CDK7: variants seen among roughly 807,000 people sequenced by gnomAD.
The protein encoded by CDK7 is cyclin dependent kinase 7.
CDK7 carries 25 observed loss-of-function variants against 49.1 expected under a neutral mutation model. That is an observed-to-expected ratio of 0.51 (90% CI 0.37 to 0.71). The LOEUF is 0.71. Ranked by LOEUF, CDK7 falls within the 30% of genes least tolerant of loss-of-function variation. The probability of loss-of-function intolerance (pLI) is 0.00; values close to 1 mark genes in which losing one functional copy is unlikely to be tolerated. For synonymous variants in CDK7, 107 were observed against 140.0 expected, an observed-to-expected ratio of 0.76 and a Z score of 1.67; for missense variants, 316 against 411.7, an observed-to-expected ratio of 0.77 and a Z score of 2.01.
chr5:69,241,705 T>G (rs972394002), intron 2 of CDK7, among the ~76,000 whole-genome samples: 1 of 152,208 alleles, frequency 6.6e-6, no homozygotes, highest in Non-Finnish European at 1.5e-5. Flanking sequence ...TTTGTATGTC[T>G]TCTTTTGAGA....
intron 2 of CDK7, among the ~76,000 whole-genome samples, chr5:69,250,039 G>A (rs974637758): frequency 6.6e-6 from 1 of 152,164 alleles, no homozygotes; most frequent in Admixed American, 6.5e-5. Flanking sequence ...CTGACTAAAA[G>A]GTCACATATC....
chr5:69,262,767 A>G (rs749497058), intron 8 of CDK7, among the ~76,000 whole-genome samples: 2 of 152,188 alleles, frequency 1.3e-5, no homozygotes, highest in South Asian at 2.1e-4. Context: ...TAAAAAGCCA[A>G]ATGTAGCATT....
intron 2 of CDK7, among the ~76,000 whole-genome samples, chr5:69,242,747 A>T (rs897302524): frequency 1.3e-5 from 2 of 152,170 alleles, no homozygotes; most frequent in African/African-American, 4.8e-5. Context: ...AGCTTGTGAG[A>T]TTAAAAGCAA....
chr5:69,274,614 GTATT>G (rs968237557), intron 10 of CDK7, among the ~76,000 whole-genome samples: 1 of 152,078 alleles, frequency 6.6e-6, no homozygotes, highest in South Asian at 2.1e-4. Context: ...CCTAAAGGAA[GTATT>G]TATTTATTTA....
At chr5:69,269,574 A>T (rs1751390253) in intron 9 of CDK7, among the ~76,000 whole-genome samples, 1 of 152,082 alleles carries the variant, frequency 6.6e-6, no homozygotes, top group South Asian at 2.1e-4. Context: ...GGAGTTTATA[A>T]GCACACTACG....
At chr5:69,259,406 T>G (rs1190552599) in intron 6 of CDK7, among the ~76,000 whole-genome samples, 1 of 152,184 alleles carries the variant, frequency 6.6e-6, no homozygotes, top group Non-Finnish European at 1.5e-5. Flanking sequence ...AGGTTATTGC[T>G]GATGTCTTTT....
At position 69,252,467 on chromosome 5, in the gene CDK7, A is replaced by G; in HGVS notation, c.160+16A>G. ...GCTAAAGATGGTAAGTATTTCATGT[A>G]ATCTGACAGATAGGAAAAGTTTTCT... On this transcript the variant is annotated intron_variant, in intron 3 of 11. Coordinates refer to ENST00000256443, the MANE Select transcript of CDK7 (RefSeq NM_001799.4). The G allele has an allele frequency of 8.0e-7, 1 of 1,248,546 alleles. No individual in the cohort carries two copies. The highest frequency in any genetic ancestry group is 2.5e-5 in the East Asian group (1 of 39,840). 77.3% of individuals were successfully genotyped at this position (1,248,546 alleles called of 1,614,324 possible).
chr5:69,259,948 T>G lies in CDK7; in HGVS notation c.527+12T>G. 3 of 1,489,424 alleles carry G rather than the reference T, an allele frequency of 2.0e-6. No individual in the cohort carries two copies. Among genetic ancestry groups the G allele is most frequent in the Non-Finnish European group, 2.8e-6 (3 of 1,067,116 alleles). The allele number at this position is 1,489,424 out of a possible 1,614,324, so 92.3% of individuals were successfully genotyped here. On this transcript the variant is annotated intron_variant, in intron 7 of 11. Transcript: ENST00000256443. Reference sequence around the variant, plus strand: ...CAGGTTGTAACCAGGTAAGAATCTCTTAAAGCTACATGTGCAGGAGTTTGA... The same window carrying G: ...CAGGTTGTAACCAGGTAAGAATCTCGTAAAGCTACATGTGCAGGAGTTTGA...
intron 2 of CDK7, among the ~76,000 whole-genome samples, chr5:69,248,959 G>A (rs547256352): frequency 1.1e-4 from 17 of 151,468 alleles, no homozygotes; most frequent in African/African-American, 2.9e-4. Context: ...GTGAGCCACC[G>A]TCCCCAGGTC....
chr5:69,252,235 T>TA, intron 2 of CDK7, among the ~76,000 whole-genome samples, 183 bp from the exon 3 acceptor site: 1 of 152,256 alleles, frequency 6.6e-6, no homozygotes. Flanking sequence ...GATTCTCTCT[T>TA]ATATTGTTAA....
chr5:69,253,720 CTAG>C (rs1201604213), intron 3 of CDK7, among the ~76,000 whole-genome samples: 1 of 152,126 alleles, frequency 6.6e-6, no homozygotes. Context: ...TGTTGTTAGT[CTAG>C]TAGTGGTGTT....
intron 2 of CDK7, among the ~76,000 whole-genome samples, chr5:69,245,664 A>G (rs1749705065): frequency 6.6e-6 from 1 of 152,064 alleles, no homozygotes; most frequent in Admixed American, 6.5e-5. Flanking sequence ...AAAATTCAGC[A>G]TTGAAGCCAT....
At chr5:69,247,759 T>C (rs1426176043) in intron 2 of CDK7, among the ~76,000 whole-genome samples, 2 of 152,164 alleles carry the variant, frequency 1.3e-5, no homozygotes, top group Non-Finnish European at 2.9e-5. Context: ...GTTATGTTTT[T>C]AGATTTGAGG....
At chr5:69,242,900 C>T (rs948166975) in intron 2 of CDK7, among the ~76,000 whole-genome samples, 6 of 152,038 alleles carry the variant, frequency 3.9e-5, no homozygotes, top group African/African-American at 1.4e-4. Flanking sequence ...ACAAAATTAT[C>T]CGGGCGTGGT....
chr5:69,262,257 G>A lies in CDK7; in HGVS notation c.580G>A (p.Val194Met). ...LFGARMYGVGVDMWAVGCILA... is the reference protein window; with the variant it reads ...LFGARMYGVGMDMWAVGCILA... Reference sequence around the variant, plus strand: ...TGGAGCTAGGATGTATGGTGTAGGTGTGGACATGTGGGCTGTTGGCTGTAT... The same window carrying A: ...TGGAGCTAGGATGTATGGTGTAGGTATGGACATGTGGGCTGTTGGCTGTAT... Residue 194 changes from valine to methionine, a missense_variant, in exon 8 of 12, where the codon GTG (valine) becomes ATG (methionine). Coordinates refer to ENST00000256443, the MANE Select transcript of CDK7 (RefSeq NM_001799.4). The A allele has an allele frequency of 6.2e-7, 1 of 1,614,128 alleles. No individual in the cohort carries two copies. Among genetic ancestry groups the A allele is most frequent in the Non-Finnish European group, 8.5e-7 (1 of 1,179,968 alleles).
intron 2 of CDK7, among the ~76,000 whole-genome samples, chr5:69,244,960 T>C (rs189458730): frequency 2.0e-5 from 3 of 152,348 alleles, no homozygotes; most frequent in Admixed American, 2.0e-4. Context: ...CTGTCCTTCA[T>C]TTGTTGATAT....
intron 6 of CDK7, among the ~76,000 whole-genome samples, chr5:69,259,592 A>G (rs1750691159): frequency 6.6e-6 from 1 of 152,208 alleles, no homozygotes; most frequent in Non-Finnish European, 1.5e-5. Flanking sequence ...TCTATGAAGT[A>G]TGTAAATTAT....
chr5:69,269,084 G>A, intron 8 of CDK7, 123 bp from the exon 9 acceptor site: 1 of 599,380 alleles, frequency 1.7e-6, no homozygotes, highest in Non-Finnish European at 3.0e-6. Flanking sequence ...AAGTTGCAGT[G>A]AGCCAGGATT....
chr5:69,241,299 C>G (rs1046644891), intron 2 of CDK7, among the ~76,000 whole-genome samples: 1 of 141,528 alleles, frequency 7.1e-6, no homozygotes, highest in South Asian at 2.2e-4. Flanking sequence ...GATGCTCTCT[C>G]ATTGTAGGTT....
Sources: gnomAD v4.1 joint callset for allele counts (sites outside exome capture counted in the v4.1 genomes callset) on GRCh38, gnomAD v4.1.1 for gene constraint, MANE v1.5 for transcripts, NCBI Gene and HGNC (gene_info 2026-07-23, HGNC 2026-07-21) for gene names.